ABCC9: variants seen among roughly 807,000 people sequenced by gnomAD.
ABCC9 encodes ATP-binding cassette sub-family C member 9.
In ABCC9, 95 loss-of-function variants were observed where a neutral mutation model predicts 188.3. The ratio of observed to expected loss-of-function variants is 0.50; its 90% CI spans 0.43 to 0.60. The LOEUF is 0.60. Among genes scored for constraint, ABCC9 ranks in the 20% least tolerant of loss-of-function variants. ABCC9 has a pLI of 0.00. For synonymous variants in ABCC9, 659 were observed against 652.7 expected (o/e 1.01, Z -0.15); for missense variants, 1,102 against 1,876.3 (o/e 0.59, Z 7.62).
At chr12:21,850,909 T>G (rs1043010542) in intron 24 of ABCC9, among the ~76,000 whole-genome samples, 21 of 152,050 alleles carry the variant, frequency 1.4e-4, no homozygotes, top group Non-Finnish European at 1.5e-5. Context: ...TATCCTCATT[T>G]CAATGGTTCT....
chr12:21,847,927 A>G (rs1944767310), intron 25 of ABCC9, among the ~76,000 whole-genome samples: 1 of 152,148 alleles, frequency 6.6e-6, no homozygotes, highest in Non-Finnish European at 1.5e-5. Flanking sequence ...CTCACACATA[A>G]CAACTGTAGT....
In ABCC9 at chr12:21,848,241, C is replaced by G; in HGVS notation, c.2775G>C (p.Met925Ile). Residue 925 changes from methionine to isoleucine, a missense_variant, in exon 25 of 40, where the codon ATG (methionine) becomes ATC (isoleucine). Coordinates refer to ENST00000261200, the MANE Select transcript of ABCC9 (RefSeq NM_020297.4). ...TCTCTAAAGTAGTTTGGTCAGCTTC[C>G]ATATCCTGCAGTAAACATTGTACTA... is the stretch of plus-strand genomic sequence containing the variant. Reference protein sequence around the residue: ...NRQDQELEKDMEADQTTLERK... With the variant: ...NRQDQELEKDIEADQTTLERK... 2 of 1,613,126 alleles carry G rather than the reference C, an allele frequency of 1.2e-6. No homozygotes were observed. Among genetic ancestry groups the G allele is most frequent in the Non-Finnish European group, 1.7e-6 (2 of 1,179,286 alleles).
intron 14 of ABCC9, among the ~76,000 whole-genome samples, chr12:21,889,035 G>T (rs1203017088): frequency 1.3e-5 from 2 of 152,120 alleles, no homozygotes. Context: ...TGAACTTATA[G>T]TCAAGTTCCT....
At chr12:21,827,277 G>C (rs1943435143) in intron 31 of ABCC9, 1 of 985,090 alleles carries the variant, frequency 1.0e-6, no homozygotes, top group Admixed American at 6.2e-5. Flanking sequence ...GAAGATTCTT[G>C]TTCAACACTT....
At chr12:21,877,197 A>G (rs1198596602) in intron 16 of ABCC9, among the ~76,000 whole-genome samples, 2 of 152,182 alleles carry the variant, frequency 1.3e-5, no homozygotes, top group Non-Finnish European at 2.9e-5. Context: ...TAAACCATGG[A>G]AAGAAGTGAG....
At chr12:21,923,959 C>T (rs188135434) in intron 5 of ABCC9, 15 of 567,544 alleles carry the variant, frequency 2.6e-5, no homozygotes, top group South Asian at 1.4e-4. Flanking sequence ...TGCTACATTA[C>T]GGATGAGCAT....
At position 21,809,958 on chromosome 12, in the gene ABCC9, G is replaced by A. The variant is rs773353019; in HGVS notation, c.4212-3C>T. ...TGCACTCTGGATCTAAATTAAATCT[G>A]TAGGGAAAAATTAGTTAATTAGTCA... On this transcript the variant is annotated splice_region_variant and splice_polypyrimidine_tract_variant and intron_variant, in intron 36 of 39. Transcript: ENST00000261200. 4 of 1,586,098 alleles carry A rather than the reference G, an allele frequency of 2.5e-6. No homozygotes were observed. Among genetic ancestry groups the A allele is most frequent in the Admixed American group, 1.7e-5 (1 of 59,826 alleles).
intron 4 of ABCC9, among the ~76,000 whole-genome samples, chr12:21,929,350 G>T (rs1949181756): frequency 6.6e-6 from 1 of 151,716 alleles, no homozygotes. Flanking sequence ...AACTAAAAAG[G>T]ATTCCTAAAC....
chr12:21,900,820 A>G (rs1036144055), intron 12 of ABCC9, among the ~76,000 whole-genome samples: 1 of 152,238 alleles, frequency 6.6e-6, no homozygotes, highest in Non-Finnish European at 1.5e-5. Flanking sequence ...GACCAAATCT[A>G]CGTCTGATTG....
chr12:21,877,308 G>A (rs1211261392), intron 16 of ABCC9, among the ~76,000 whole-genome samples: 2 of 152,084 alleles, frequency 1.3e-5, no homozygotes, highest in Non-Finnish European at 2.9e-5. Context: ...TCTGGGATGA[G>A]TCAAAAAACT....
intron 31 of ABCC9, among the ~76,000 whole-genome samples, chr12:21,825,941 T>C (rs901605942): frequency 6.6e-6 from 1 of 152,040 alleles, no homozygotes; most frequent in Non-Finnish European, 1.5e-5. Flanking sequence ...AAACTAGGCA[T>C]AAAGAGGAAG....
At chr12:21,940,675 T>A (rs1372241551) in intron 2 of ABCC9, 35 bp downstream of exon 2, 1 of 152,064 alleles carries the variant, frequency 6.6e-6, no homozygotes, top group African/African-American at 2.4e-5. Context: ...TTAAAAAAAA[T>A]CCCAAACTGA....
chr12:21,860,856 A>AC, intron 21 of ABCC9, 115 bp downstream of exon 21: 2 of 825,196 alleles, frequency 2.4e-6, no homozygotes, highest in Non-Finnish European at 4.0e-6. Flanking sequence ...TCTTACTGGG[A>AC]CAACATACAA....
At chr12:21,830,652 A>G (rs1943702228) in intron 30 of ABCC9, among the ~76,000 whole-genome samples, 1 of 152,238 alleles carries the variant, frequency 6.6e-6, no homozygotes, top group Non-Finnish European at 1.5e-5. Context: ...TATCTATCCA[A>G]TCAATCTGAT....
chr12:21,859,814 A>G, intron 21 of ABCC9, 148 bp from the exon 22 acceptor site: 1 of 758,228 alleles, frequency 1.3e-6, no homozygotes, highest in Non-Finnish European at 2.3e-6. Context: ...GTAAGAAAAC[A>G]TGGAAACTGT....
chr12:21,862,862 G>T, intron 20 of ABCC9, 91 bp downstream of exon 20: 1 of 849,940 alleles, frequency 1.2e-6, no homozygotes, highest in Non-Finnish European at 2.0e-6. Context: ...AATACCAGAT[G>T]TAAAGGTTCC....
chr12:21,852,616 C>G (rs1051536374), intron 22 of ABCC9, 111 bp from the exon 23 acceptor site: 17 of 1,281,464 alleles, frequency 1.3e-5, no homozygotes, highest in Non-Finnish European at 1.8e-5. Flanking sequence ...TCCCCCAAAT[C>G]TAATTTATTT....
At position 21,850,971 on chromosome 12, in the gene ABCC9, G is replaced by C. The variant is rs562557670; in HGVS notation, c.2769+1126C>G. Among the ~76,000 whole-genome samples, 23 of 151,914 alleles carry C rather than the reference G, an allele frequency of 1.5e-4. No individual in the cohort carries two copies. In the East Asian group the frequency reaches 4.1e-3, roughly 27 times the overall value. ...TTTTTGCATATATCTTTTCTTCTTTGTGTGGTTTGCTTTTGAGATCTTTAG... is the reference window on the plus strand; with the variant it reads ...TTTTTGCATATATCTTTTCTTCTTTCTGTGGTTTGCTTTTGAGATCTTTAG... On this transcript the variant is annotated intron_variant, in intron 24 of 39. Coordinates refer to ENST00000261200, the MANE Select transcript of ABCC9 (RefSeq NM_020297.4).
At chr12:21,804,730 A>G (rs1941720267) in intron 39 of ABCC9, among the ~76,000 whole-genome samples, 1 of 152,208 alleles carries the variant, frequency 6.6e-6, no homozygotes, top group African/African-American at 2.4e-5. Flanking sequence ...TGTTTCTCCC[A>G]TGCATCATCC....
Sources: gnomAD v4.1 joint callset for allele counts (sites outside exome capture counted in the v4.1 genomes callset) on GRCh38, gnomAD v4.1.1 for gene constraint, MANE v1.5 for transcripts, NCBI Gene and HGNC (gene_info 2026-07-23, HGNC 2026-07-21) for gene names.